Variants in ROR2 observed in about 807,000 individuals in gnomAD.
ROR2 encodes tyrosine-protein kinase transmembrane receptor ROR2.
Under a neutral mutation model 74.9 loss-of-function variants are expected in ROR2, and 33 were observed. That is an observed-to-expected ratio of 0.44 (90% CI 0.33 to 0.59). ROR2 has a LOEUF of 0.59. Ranked by LOEUF, ROR2 falls within the 20% of genes least tolerant of loss-of-function variation. The probability of loss-of-function intolerance (pLI) is 0.02; values close to 1 mark genes in which losing one functional copy is unlikely to be tolerated. For missense variants in ROR2, 1,216 were observed against 1,313.8 expected, an observed-to-expected ratio of 0.93 and a Z score of 1.15; for synonymous variants, 586 against 558.7, an observed-to-expected ratio of 1.05 and a Z score of -0.69.
At position 91,775,759 on chromosome 9, in the gene ROR2, G is replaced by T; in HGVS notation, c.157C>A (p.Pro53Thr). The change falls in exon 2 of 9, where the codon CCG (proline) becomes ACG (threonine). Residue 53 changes from proline to threonine, a missense_variant. Physicochemically the swap from Pro to Thr is conservative, Grantham distance 38. Transcript: ENST00000375708. ...PLGPLDGQDG[P>T]IPTLKGYFLN... ...AGCTCACCTTTCAGAGTTGGAATCG[G>T]GCCGTCCTGCCCATCAAGGGGTCCT... 3.1e-6 allele frequency: 5 copies of T among 1,614,186 alleles called. No homozygotes were observed. Among genetic ancestry groups the T allele is most frequent in the Non-Finnish European group, 4.2e-6 (5 of 1,180,022 alleles).
intron 1 of ROR2, among the ~76,000 whole-genome samples, chr9:91,806,772 G>T (rs1256106900): frequency 6.6e-6 from 1 of 152,078 alleles, no homozygotes; most frequent in Non-Finnish European, 1.5e-5. Flanking sequence ...TGTATTTTTA[G>T]TAGAGACGGG....
chr9:91,834,610 A>G (rs1828560469), intron 1 of ROR2, among the ~76,000 whole-genome samples: 1 of 152,244 alleles, frequency 6.6e-6, no homozygotes, highest in Non-Finnish European at 1.5e-5. Flanking sequence ...AGATTCATGC[A>G]GACACACAGC....
intron 1 of ROR2, among the ~76,000 whole-genome samples, chr9:91,848,415 G>A (rs73651582): frequency 0.12 from 18,503 of 152,136 alleles, 2,498 homozygotes; most frequent in African/African-American, 0.34. Flanking sequence ...TGGGGGCTCT[G>A]CTCAGTGCCA....
chr9:91,773,499 G>C (rs1201135223), intron 2 of ROR2, among the ~76,000 whole-genome samples: 4 of 152,256 alleles, frequency 2.6e-5, no homozygotes, highest in Non-Finnish European at 5.9e-5. Flanking sequence ...GCTGCCCCAT[G>C]AACTTTCCGT....
intron 1 of ROR2, among the ~76,000 whole-genome samples, chr9:91,830,096 C>A (rs1828418006): frequency 6.6e-6 from 1 of 152,202 alleles, no homozygotes. Flanking sequence ...AAGTTTTCCT[C>A]ATCCTGTATT....
intron 1 of ROR2, among the ~76,000 whole-genome samples, chr9:91,827,124 C>T (rs1324815969): frequency 1.3e-5 from 2 of 152,098 alleles, no homozygotes; most frequent in Non-Finnish European, 2.9e-5. Context: ...GCTACATTAA[C>T]TTTTAATATA....
At chr9:91,867,701 T>A (rs1656301487) in intron 1 of ROR2, among the ~76,000 whole-genome samples, 3 of 149,970 alleles carry the variant, frequency 2.0e-5, no homozygotes, top group Admixed American at 6.6e-5. Flanking sequence ...TGTGTGTGTG[T>A]ATCTGACCCT....
intron 1 of ROR2, among the ~76,000 whole-genome samples, chr9:91,872,582 G>A (rs751897385): frequency 3.3e-5 from 5 of 152,116 alleles, no homozygotes; most frequent in Non-Finnish European, 7.3e-5. Flanking sequence ...CTACCTTGGG[G>A]CTGGTGTGTT....
intron 1 of ROR2, among the ~76,000 whole-genome samples, chr9:91,794,511 C>T (rs1827106816): frequency 6.6e-6 from 1 of 152,164 alleles, no homozygotes; most frequent in African/African-American, 2.4e-5. Context: ...AACAAATCCA[C>T]ATAGAGGCTT....
Position 91,733,421 on chromosome 9 carries a change from A to G in ROR2, c.638T>C (p.Ile213Thr). 6.2e-7 allele frequency: 1 copy of G among 1,611,194 alleles called. No individual in the cohort carries two copies. Among genetic ancestry groups the G allele is most frequent in the Non-Finnish European group, 8.5e-7 (1 of 1,179,674 alleles). ...GTCCGACAGGTGCGTAGACGTGCCG[A>G]TCATGGTGAAGGCCGCTGCAGAGCC... is the stretch of plus-strand genomic sequence containing the variant. ...ENRITAAFTM[I>T]GTSTHLSDQC... is the part of the protein sequence containing the mutation. Residue 213 changes from isoleucine to threonine, a missense_variant, in exon 6 of 9, where the codon ATC (isoleucine) becomes ACC (threonine). Transcript: ENST00000375708. This position sits in a 1 kb window ranked among gnomAD's most constrained non-coding sequence, Gnocchi z 5.7.
intron 1 of ROR2, among the ~76,000 whole-genome samples, chr9:91,821,916 ACTGATGCTGAAT>A (rs1563982598): frequency 6.6e-6 from 1 of 152,162 alleles, no homozygotes. Context: ...CTTGGATAAA[ACTGATGCTGAAT>A]GTATGTTTAG....
chr9:91,910,360 C>A (rs73520851), intron 1 of ROR2, among the ~76,000 whole-genome samples: 4 of 152,158 alleles, frequency 2.6e-5, no homozygotes, highest in Non-Finnish European at 2.9e-5. Flanking sequence ...TTACTAGTAT[C>A]TCCACCCCCA....
intron 4 of ROR2, among the ~76,000 whole-genome samples, chr9:91,738,738 G>A (rs1054275943): frequency 1.4e-4 from 22 of 152,202 alleles, no homozygotes; most frequent in Non-Finnish European, 2.6e-4. Context: ...CCTGGCCACC[G>A]CTGCATGGAC....
chr9:91,802,844 G>A (rs1309703906), intron 1 of ROR2, among the ~76,000 whole-genome samples: 1 of 152,096 alleles, frequency 6.6e-6, no homozygotes, highest in Non-Finnish European at 1.5e-5. Flanking sequence ...GCATTCAGGG[G>A]CCACACAAGA....
chr9:91,818,243 C>T (rs1344991806), intron 1 of ROR2, among the ~76,000 whole-genome samples: 1 of 152,196 alleles, frequency 6.6e-6, no homozygotes, highest in East Asian at 1.9e-4. Context: ...CACAGAACTG[C>T]AAATTAGTAA....
intron 4 of ROR2, among the ~76,000 whole-genome samples, chr9:91,744,635 G>A (rs1825352210): frequency 6.6e-6 from 1 of 152,162 alleles, no homozygotes; most frequent in Non-Finnish European, 1.5e-5. Flanking sequence ...ACTGATAACA[G>A]ATGTGGCAAA....
rs1164591981 is a variant in ROR2, at chr9:91,821,948, G to A, written c.98-46130C>T. Among the ~76,000 whole-genome samples, 5 of 151,930 alleles carry A rather than the reference G, an allele frequency of 3.3e-5. 1 individual carries two copies. Among genetic ancestry groups the A allele is most frequent in the African/African-American group, 1.2e-4 (5 of 41,320 alleles). ...CTGAATGTATGTTTAGTGAAAGGTG[G>A]ACACAAGCAAAGGAAAGATGGAAGG... On this transcript the variant is annotated intron_variant, in intron 1 of 8. Coordinates refer to ENST00000375708, the MANE Select transcript of ROR2 (RefSeq NM_004560.4).
intron 1 of ROR2, among the ~76,000 whole-genome samples, chr9:91,799,012 C>T (rs1827285410): frequency 6.6e-6 from 1 of 152,162 alleles, no homozygotes; most frequent in Non-Finnish European, 1.5e-5. Flanking sequence ...AAACACCAAG[C>T]TGAAGAGAGA....
intron 1 of ROR2, among the ~76,000 whole-genome samples, chr9:91,870,830 C>CA (rs1294290516): frequency 1.3e-5 from 2 of 152,172 alleles, no homozygotes; most frequent in African/African-American, 2.4e-5. Flanking sequence ...ATACACCTGG[C>CA]AAAAATATTT....
Sources: allele counts gnomAD v4.1 joint callset (sites outside exome capture counted in the v4.1 genomes callset), GRCh38; gene constraint gnomAD v4.1.1; non-coding constraint Gnocchi (gnomAD v3.1); transcripts MANE v1.5; gene names NCBI Gene and HGNC (gene_info 2026-07-23, HGNC 2026-07-21).